Variants in EIF2AK1 observed in about 807,000 individuals in gnomAD.
EIF2AK1 encodes the protein eukaryotic translation initiation factor 2-alpha kinase 1.
In EIF2AK1, 54 loss-of-function variants were observed where a neutral mutation model predicts 77.9. The observed-to-expected ratio is 0.69, with a 90% CI of 0.56 to 0.87. The LOEUF (loss-of-function observed/expected upper bound fraction) is 0.87. EIF2AK1 is among the 40% of genes least tolerant of loss of function. The pLI, the probability that EIF2AK1 is intolerant of heterozygous loss-of-function variation, is 0.00. For synonymous variants in EIF2AK1, 314 were observed against 290.5 expected, an observed-to-expected ratio of 1.08 and a Z score of -0.82; for missense variants, 810 against 768.6, an observed-to-expected ratio of 1.05 and a Z score of -0.64.
At chr7:6,051,925 C>G (rs559462957) in intron 2 of EIF2AK1, among the ~76,000 whole-genome samples, 3 of 152,170 alleles carry the variant, frequency 2.0e-5, no homozygotes, top group Admixed American at 2.0e-4. Context: ...GTAATCCCAG[C>G]ACTTTGGGAG....
rs760196721 is a variant in EIF2AK1 at position 6,049,979 on chromosome 7, G to A, written c.344C>T (p.Ser115Leu). ...SSFTCSDEFSSLRLHHNRAIT... is the reference protein window; with the variant it reads ...SSFTCSDEFSLLRLHHNRAIT... ...AGCTCTGTTGTGATGTAGTCTCAAT[G>A]AGCTAAACTCGTCACTACAAGTGAA... is the stretch of plus-strand genomic sequence containing the variant. The change falls in exon 3 of 15, where the codon TCA becomes TTA. Residue 115 changes from serine (S) to leucine (L), a missense_variant. By Grantham distance (145) the Ser-to-Leu change is moderately radical. Around this residue, in one of 3 missense-constraint regions of EIF2AK1, gnomAD observed 246 missense variants for 199.0 expected, o/e 1.24. Transcript: ENST00000199389. The A allele has an allele frequency of 2.5e-6, 4 of 1,613,208 alleles. No individual in the cohort carries two copies. In the South Asian group the frequency reaches 4.4e-5, roughly 18 times the overall value.
Position 6,023,604 on chromosome 7 carries a change from T to C in EIF2AK1, c.*1069A>G, listed in dbSNP as rs755955838. ...TACTCCAGCAGATCGGAGGCTGCAG[T>C]GTGACAGTGCCAGCCAATGTGCAGA... On this transcript the variant is annotated 3_prime_UTR_variant, in exon 15 of 15. Transcript: ENST00000199389. 6 of 1,614,164 alleles carry C rather than the reference T, an allele frequency of 3.7e-6. No homozygotes were observed. Among genetic ancestry groups the C allele is most frequent in the Non-Finnish European group, 5.1e-6 (6 of 1,180,018 alleles).
rs2128890062 is a variant in EIF2AK1 at position 6,044,623 on chromosome 7, G to C, written c.669C>G (p.His223Gln). The C allele has an allele frequency of 6.2e-7, 1 of 1,614,078 alleles. No homozygotes were observed. The highest frequency in any genetic ancestry group is 8.5e-7 in the Non-Finnish European group (1 of 1,179,994). Reference protein sequence around the residue: ...REVKVLAGLQHPNIVGYHTAW... With the variant: ...REVKVLAGLQQPNIVGYHTAW... ...CGGTGTGATAGCCAACAATATTGGGGTGCTGAAGACCTGCCAGCACCTTCA... is the reference window on the plus strand; with the variant it reads ...CGGTGTGATAGCCAACAATATTGGGCTGCTGAAGACCTGCCAGCACCTTCA... Residue 223 changes from histidine (H) to glutamine (Q), a missense_variant, in exon 7 of 15, where the codon CAC (histidine) becomes CAG (glutamine). By Grantham distance (24) the His-to-Gln change is conservative. Around this residue, in one of 3 missense-constraint regions of EIF2AK1, gnomAD observed 549 missense variants for 533.7 expected, o/e 1.03. Coordinates refer to ENST00000199389, the MANE Select transcript of EIF2AK1 (RefSeq NM_014413.4).
At chr7:6,041,765 C>T (rs1337706337) in intron 8 of EIF2AK1, among the ~76,000 whole-genome samples, 3 of 149,846 alleles carry the variant, frequency 2.0e-5, no homozygotes, top group African/African-American at 7.4e-5. Flanking sequence ...CGCTTGAACC[C>T]GGGAGGAAGA....
At position 6,026,867 on chromosome 7, in the gene EIF2AK1, G is replaced by T; in HGVS notation, c.1625C>A (p.Thr542Asn). ...ACGGAGGGATTCCGGCAACTGACCA[G>T]TTCTTAAACCTGTTAGAACTTCTGC... ...ERAEVLTGLR[T>N]GQLPESLRKR... is the part of the protein sequence containing the mutation. The change falls in exon 14 of 15, where the codon ACT becomes AAT. Residue 542 changes from threonine (T) to asparagine (N), a missense_variant. This residue lies in a region of EIF2AK1 where 549 missense variants were observed against 533.7 expected (regional missense o/e 1.03). Transcript: ENST00000199389. 1 of 1,614,148 alleles carries T rather than the reference G, an allele frequency of 6.2e-7. No individual in the cohort carries two copies. Among genetic ancestry groups the T allele is most frequent in the Non-Finnish European group, 8.5e-7 (1 of 1,180,042 alleles).
intron 4 of EIF2AK1, 27 bp from the exon 5 acceptor site, chr7:6,047,118 A>G (rs1436561159): frequency 6.3e-7 from 1 of 1,589,478 alleles, no homozygotes; most frequent in South Asian, 1.1e-5. Flanking sequence ...AACAATCAAT[A>G]TTAAAACATG....
chr7:6,023,891 G>T lies in EIF2AK1; in HGVS notation c.*782C>A. 6.6e-7 allele frequency: 1 copy of T among 1,516,114 alleles called. No individual in the cohort carries two copies. Among genetic ancestry groups the T allele is most frequent in the Non-Finnish European group, 8.8e-7 (1 of 1,130,426 alleles). The allele number at this position is 1,516,114 out of a possible 1,614,324, so 93.9% of individuals were successfully genotyped here. ...TCATACGCCATCTACCGTGATGACT[G>T]CCAACTCCATGGCAGACCCTTTCTG... On this transcript the variant is annotated 3_prime_UTR_variant, in exon 15 of 15. Coordinates refer to ENST00000199389, the MANE Select transcript of EIF2AK1 (RefSeq NM_014413.4).
rs149492070 is a variant in EIF2AK1, at chr7:6,027,478, T to G, written c.1531-517A>C. Among the ~76,000 whole-genome samples, 2 of 152,326 alleles carry G rather than the reference T, an allele frequency of 1.3e-5. No individual in the cohort carries two copies. The highest frequency in any genetic ancestry group is 3.9e-4 in the East Asian group (2 of 5,180). On this transcript the variant is annotated intron_variant, in intron 13 of 14. Transcript: ENST00000199389. The surrounding 1 kb of genome is among the most constrained non-coding windows in gnomAD (Gnocchi z 4.5). ...AGATTTTAGGGGCAGCCATCATTTT[T>G]TCTGACAGCTCTTTCCTAATCACTA...
In EIF2AK1 at chr7:6,024,386, AG is replaced by A; in HGVS notation, c.*286del. The A allele has an allele frequency of 7.8e-7, 1 of 1,287,306 alleles. No homozygotes were observed. Among genetic ancestry groups the A allele is most frequent in the African/African-American group, 1.5e-5 (1 of 66,210 alleles). 79.7% of individuals were successfully genotyped at this position (1,287,306 alleles called of 1,614,324 possible). On this transcript the variant is annotated 3_prime_UTR_variant, in exon 15 of 15. Transcript: ENST00000199389. ...CATCAATTTCTGCGGTACCTTCTAG[AG>A]GAAGACCAGACAGAGGGTCAACAGA...
Position 6,023,871 on chromosome 7 carries a change from C to A in EIF2AK1, c.*802G>T. 1 of 1,532,798 alleles carries A rather than the reference C, an allele frequency of 6.5e-7. No homozygotes were observed. The allele number at this position is 1,532,798 out of a possible 1,614,324, so 94.9% of individuals were successfully genotyped here. A position where few individuals can be genotyped will look rare whatever the true frequency, so the allele number is the denominator to read the frequency against. ...TTATTTAAAATTCAGCAAAATCATA[C>A]GCCATCTACCGTGATGACTGCCAAC... is the stretch of plus-strand genomic sequence containing the variant. On this transcript the variant is annotated 3_prime_UTR_variant, in exon 15 of 15. Transcript: ENST00000199389.
At chr7:6,054,738 A>G (rs773028399) in intron 1 of EIF2AK1, 34 bp from the exon 2 acceptor site, 1 of 1,564,218 alleles carries the variant, frequency 6.4e-7, no homozygotes, top group Non-Finnish European at 8.8e-7. Flanking sequence ...TTTTAAATTA[A>G]TGGTAAACCT....
At chr7:6,030,187 G>A (rs576982472) in intron 11 of EIF2AK1, among the ~76,000 whole-genome samples, 42 of 152,252 alleles carry the variant, frequency 2.8e-4, no homozygotes, top group African/African-American at 9.6e-4. Context: ...CCATAAAAGG[G>A]AAGAAAGTTT....
intron 6 of EIF2AK1, 40 bp from the exon 7 acceptor site, chr7:6,044,701 A>C: frequency 1.3e-5 from 20 of 1,568,556 alleles, no homozygotes; most frequent in Non-Finnish European, 1.8e-5. Flanking sequence ...TTTGCTGATA[A>C]CTTGTTAAAT....
intron 13 of EIF2AK1, among the ~76,000 whole-genome samples, chr7:6,028,395 G>T (rs535723468): frequency 6.6e-6 from 1 of 152,172 alleles, no homozygotes; most frequent in Non-Finnish European, 1.5e-5. Context: ...GGGACTACAG[G>T]CATGTGCCAT....
chr7:6,049,328 G>C (rs754978166), intron 3 of EIF2AK1, among the ~76,000 whole-genome samples: 13 of 152,204 alleles, frequency 8.5e-5, no homozygotes, highest in African/African-American at 2.4e-5. Flanking sequence ...CACATCACGA[G>C]GTCAGGAGTT....
chr7:6,038,362 G>A (rs1351638185), intron 10 of EIF2AK1, among the ~76,000 whole-genome samples, 198 bp downstream of exon 10: 1 of 152,106 alleles, frequency 6.6e-6, no homozygotes, highest in Non-Finnish European at 1.5e-5. Flanking sequence ...TTGAGCCAGG[G>A]AGGCCAAGGC....
Position 6,027,320 on chromosome 7 carries a change from G to A in EIF2AK1, c.1531-359C>T, listed in dbSNP as rs931096435. 1.3e-5 allele frequency among the ~76,000 whole-genome samples: 2 copies of A among 152,168 alleles called. No homozygotes were observed. The highest frequency in any genetic ancestry group is 1.5e-5 in the Non-Finnish European group (1 of 68,036). On this transcript the variant is annotated intron_variant, in intron 13 of 14. Coordinates refer to ENST00000199389, the MANE Select transcript of EIF2AK1 (RefSeq NM_014413.4). This position sits in a 1 kb window ranked among gnomAD's most constrained non-coding sequence, Gnocchi z 4.5. ...AGCTGCGGGGGAGCCACAGAAGGTC[G>A]CGGGTTCTCCTCCGGTCTCACCTCT...
chr7:6,052,554 A>C (rs1788635410), intron 2 of EIF2AK1, among the ~76,000 whole-genome samples: 1 of 150,612 alleles, frequency 6.6e-6, no homozygotes, highest in Non-Finnish European at 1.5e-5. Context: ...AGACCACATA[A>C]AAGTATCTAT....
intron 1 of EIF2AK1, among the ~76,000 whole-genome samples, chr7:6,056,940 T>C (rs931717767): frequency 2.0e-5 from 3 of 151,944 alleles, no homozygotes; most frequent in Non-Finnish European, 4.4e-5. Flanking sequence ...AATTTTCTTC[T>C]GTTAATAGCC....
Sources: allele counts gnomAD v4.1 joint callset (sites outside exome capture counted in the v4.1 genomes callset), GRCh38; gene constraint gnomAD v4.1.1; regional missense constraint gnomAD v4.1.1; non-coding constraint Gnocchi (gnomAD v3.1); transcripts MANE v1.5; gene names NCBI Gene and HGNC (gene_info 2026-07-23, HGNC 2026-07-21).